The following ST3GAL1 variants were observed in gnomAD, a reference collection of about 807,000 sequenced individuals.
The protein encoded by ST3GAL1 is CMP-N-acetylneuraminate-beta-galactosamide-alpha-2,3-sialyltransferase 1.
In ST3GAL1, 16 loss-of-function variants were observed where a neutral mutation model predicts 34.1. The ratio of observed to expected loss-of-function variants is 0.47; its 90% confidence interval spans 0.32 to 0.71. The LOEUF (loss-of-function observed/expected upper bound fraction) is 0.71, where lower values mean the gene tolerates loss of function less well. Among genes scored for constraint, ST3GAL1 ranks in the 30% least tolerant of loss-of-function variants. The probability of loss-of-function intolerance (pLI) is 0.04; values close to 1 mark genes in which losing one functional copy is unlikely to be tolerated. For missense variants in ST3GAL1, 353 were observed against 447.4 expected, an observed-to-expected ratio of 0.79 and a Z score of 1.90; for synonymous variants, 191 against 184.7, an observed-to-expected ratio of 1.03 and a Z score of -0.28.
chr8:133,551,566 G>GAAAGAAAC (rs1563739029), intron 1 of ST3GAL1, among the ~76,000 whole-genome samples: 5 of 145,338 alleles, frequency 3.4e-5, no homozygotes, highest in Admixed American at 2.1e-4. Context: ...AAGAAAGAAA[G>GAAAGAAAC]AAAGAAAGAA....
In ST3GAL1 at chr8:133,459,873, G is replaced by A. The variant is rs772036212; in HGVS notation, c.914C>T (p.Pro305Leu). ...GNWHHYWENNPSAGAFRKTGV... is the reference protein window; with the variant it reads ...GNWHHYWENNLSAGAFRKTGV... ...CGTCTTGCGAAAAGCCCCCGCGGAT[G>A]GGTTGTTCTCCCAGTAGTGGTGCCA... The change falls in exon 10 of 10, where the codon CCA (proline) becomes CTA (leucine). Residue 305 changes from proline (P) to leucine (L), a missense_variant. Physicochemically the swap from Pro to Leu is moderately conservative, Grantham distance 98 (BLOSUM62 -3). Coordinates refer to ENST00000522652, the MANE Select transcript of ST3GAL1 (RefSeq NM_173344.3). This position sits in a 1 kb window ranked among gnomAD's most constrained non-coding sequence, Gnocchi z 4.7. 1.1e-5 allele frequency: 17 copies of A among 1,614,028 alleles called. No homozygotes were observed. Among genetic ancestry groups the A allele is most frequent in the Non-Finnish European group, 1.4e-5 (17 of 1,180,028 alleles).
intron 1 of ST3GAL1, among the ~76,000 whole-genome samples, chr8:133,563,947 C>T (rs924516369): frequency 1.3e-5 from 2 of 152,310 alleles, no homozygotes; most frequent in South Asian, 2.1e-4. Flanking sequence ...CCCATCCTCA[C>T]GAGCAGCCCG....
At chr8:133,559,983 G>A (rs911937546) in intron 1 of ST3GAL1, among the ~76,000 whole-genome samples, 4 of 152,182 alleles carry the variant, frequency 2.6e-5, no homozygotes, top group Admixed American at 6.5e-5. Flanking sequence ...ATGCAGGGAC[G>A]GATGTGGAGC....
At chr8:133,478,678 T>C (rs1265213065) in intron 3 of ST3GAL1, among the ~76,000 whole-genome samples, 1 of 152,190 alleles carries the variant, frequency 6.6e-6, no homozygotes, top group Non-Finnish European at 1.5e-5. Flanking sequence ...CTCTTACTCA[T>C]TCTCTAGGGC....
chr8:133,459,021 G>A lies in ST3GAL1; in HGVS notation c.*743C>T, dbSNP rs1428526566. 1 of 151,792 alleles carries A rather than the reference G, an allele frequency of 6.6e-6. No homozygotes were observed. Among genetic ancestry groups the A allele is most frequent in the African/African-American group, 2.4e-5 (1 of 41,294 alleles). The allele number at this position is 151,792 out of a possible 1,614,324, so 9.4% of individuals were successfully genotyped here. On this transcript the variant is annotated 3_prime_UTR_variant, in exon 10 of 10. Coordinates refer to ENST00000522652, the MANE Select transcript of ST3GAL1 (RefSeq NM_173344.3). This position sits in a 1 kb window ranked among gnomAD's most constrained non-coding sequence, Gnocchi z 4.7. ...CCTCCTCAGCCTCCCTAGTAGCTGGGGCTACAAGTGTGTGCCACCGTGCCT... is the reference window on the plus strand; with the variant it reads ...CCTCCTCAGCCTCCCTAGTAGCTGGAGCTACAAGTGTGTGCCACCGTGCCT...
chr8:133,476,141 A>C lies in ST3GAL1; in HGVS notation c.-50-67T>G. 2.5e-6 allele frequency: 3 copies of C among 1,194,654 alleles called. No individual in the cohort carries two copies. In the South Asian group the frequency reaches 4.8e-5, roughly 19 times the overall value. 74.0% of individuals were successfully genotyped at this position (1,194,654 alleles called of 1,614,324 possible). A position where few individuals can be genotyped will look rare whatever the true frequency, so the allele number is the denominator to read the frequency against. On this transcript the variant is annotated intron_variant, in intron 4 of 9. Coordinates refer to ENST00000522652, the MANE Select transcript of ST3GAL1 (RefSeq NM_173344.3). The stretch of plus-strand genomic sequence containing the variant: ...GGCTCAATCAAAAGGGATGGCAGGA[A>C]TTCCAAGGGAGGACACAAGGGCCGC...
chr8:133,537,331 A>G (rs1432980274), intron 2 of ST3GAL1, among the ~76,000 whole-genome samples: 1 of 152,130 alleles, frequency 6.6e-6, no homozygotes, highest in Admixed American at 6.5e-5. Flanking sequence ...TCCTGACATC[A>G]GCATTCCTTC....
chr8:133,465,934 A>C lies in ST3GAL1; in HGVS notation c.463T>G (p.Ser155Ala), dbSNP rs1271700917. ...TGACTGTCTATCTCAGGCCCATAAG[A>C]AGACTCCCTCAGGTTGCCCGAGTTG... Reference protein sequence around the residue: ...VGNSGNLRESSYGPEIDSHDF... With the variant: ...VGNSGNLRESAYGPEIDSHDF... The change falls in exon 6 of 10, where the codon TCT becomes GCT. Residue 155 changes from serine to alanine, a missense_variant. Coordinates refer to ENST00000522652, the MANE Select transcript of ST3GAL1 (RefSeq NM_173344.3). The C allele has an allele frequency of 2.0e-5, 32 of 1,613,976 alleles. No homozygotes were observed. The highest frequency in any genetic ancestry group is 2.6e-5 in the Non-Finnish European group (31 of 1,179,992).
chr8:133,506,108 G>C (rs143038928), intron 2 of ST3GAL1, among the ~76,000 whole-genome samples: 160 of 152,324 alleles, frequency 1.1e-3, no homozygotes, highest in African/African-American at 3.6e-3. Context: ...TACCGACATA[G>C]AGCATTTCCA....
intron 1 of ST3GAL1, among the ~76,000 whole-genome samples, chr8:133,559,035 TTGTGTGTG>T (rs34571050): frequency 6.7e-6 from 1 of 149,148 alleles, no homozygotes; most frequent in African/African-American, 2.5e-5. Context: ...GAGTGTGGTT[TTGTGTGTG>T]TGTGTGTGTG....
chr8:133,550,636 C>A (rs1818811329), intron 1 of ST3GAL1, among the ~76,000 whole-genome samples: 1 of 152,178 alleles, frequency 6.6e-6, no homozygotes, highest in African/African-American at 2.4e-5. Context: ...ATCTAGGAGC[C>A]AAGCAGGGAA....
intron 2 of ST3GAL1, among the ~76,000 whole-genome samples, chr8:133,532,404 G>A (rs909894496): frequency 6.6e-6 from 1 of 151,942 alleles, no homozygotes; most frequent in South Asian, 2.1e-4. Context: ...AGGTTGCAGT[G>A]AGCCGAGATT....
At chr8:133,564,666 T>C (rs998430780) in intron 1 of ST3GAL1, among the ~76,000 whole-genome samples, 2 of 152,154 alleles carry the variant, frequency 1.3e-5, no homozygotes, top group African/African-American at 2.4e-5. Flanking sequence ...AAAGGCCATG[T>C]TGAAGTACCA....
chr8:133,500,312 G>A (rs1489842530), intron 2 of ST3GAL1, among the ~76,000 whole-genome samples: 1 of 152,168 alleles, frequency 6.6e-6, no homozygotes, highest in Non-Finnish European at 1.5e-5. Flanking sequence ...ATCACACCAA[G>A]AGGCCCACGG....
intron 3 of ST3GAL1, among the ~76,000 whole-genome samples, chr8:133,498,702 C>T (rs541451255): frequency 3.0e-4 from 45 of 152,322 alleles, no homozygotes; most frequent in Middle Eastern, 6.8e-3. Context: ...TCCTGCCTGC[C>T]GGGCTCCTCT....
chr8:133,557,481 C>T (rs772785712), intron 1 of ST3GAL1, among the ~76,000 whole-genome samples: 7 of 152,148 alleles, frequency 4.6e-5, no homozygotes, highest in Non-Finnish European at 8.8e-5. Flanking sequence ...CACGGGCTGG[C>T]CTCCTATCCA....
intron 2 of ST3GAL1, among the ~76,000 whole-genome samples, chr8:133,512,933 T>C (rs1433690987): frequency 6.6e-6 from 1 of 152,156 alleles, no homozygotes; most frequent in African/African-American, 2.4e-5. Flanking sequence ...AGATCAAACC[T>C]GACAATCCAG....
chr8:133,513,458 GAAGAA>G (rs1817554224), intron 2 of ST3GAL1, among the ~76,000 whole-genome samples: 1 of 152,136 alleles, frequency 6.6e-6, no homozygotes, highest in Non-Finnish European at 1.5e-5. Flanking sequence ...TATTTATATA[GAAGAA>G]AAGACTGAAC....
intron 2 of ST3GAL1, among the ~76,000 whole-genome samples, chr8:133,500,209 C>G (rs542083439): frequency 1.3e-5 from 2 of 152,254 alleles, no homozygotes; most frequent in Non-Finnish European, 2.9e-5. Flanking sequence ...ATAAAAAGAA[C>G]TTTCTGAGCT....
Sources: gnomAD v4.1 joint callset for allele counts (sites outside exome capture counted in the v4.1 genomes callset) on GRCh38, gnomAD v4.1.1 for gene constraint, Gnocchi (gnomAD v3.1) non-coding constraint, MANE v1.5 for transcripts, NCBI Gene and HGNC (gene_info 2026-07-23, HGNC 2026-07-21) for gene names.